CHCHD6: variants seen among roughly 807,000 people sequenced by gnomAD.
CHCHD6 encodes the protein MICOS complex subunit MIC25.
CHCHD6 carries 28 observed loss-of-function variants against 32.3 expected under a neutral mutation model. The observed-to-expected ratio is 0.87, with a 90% CI of 0.64 to 1.19. CHCHD6 has a LOEUF of 1.19. Ranked by LOEUF, CHCHD6 falls within the 50% of genes most tolerant of loss-of-function variation. CHCHD6 has a pLI of 0.00. For missense variants in CHCHD6, 333 were observed against 307.0 expected (o/e 1.08, Z -0.63); for synonymous variants, 122 against 117.5 (o/e 1.04, Z -0.25).
chr3:126,761,911 G>A lies in CHCHD6; in HGVS notation c.411+28689G>A, dbSNP rs180859012. 3.8e-3 allele frequency among the ~76,000 whole-genome samples: 573 copies of A among 152,150 alleles called. 12 individuals carry two copies. Among genetic ancestry groups the A allele is most frequent in the African/African-American group, 0.013 (554 of 41,518 alleles). On this transcript the variant is annotated intron_variant, in intron 4 of 7. Coordinates refer to ENST00000290913, the MANE Select transcript of CHCHD6 (RefSeq NM_032343.3). ...GTGTTTCTAAGAATTAGTCTTTTTC[G>A]TCCAGGTTATCCAATTTGTTGGCAT...
intron 5 of CHCHD6, among the ~76,000 whole-genome samples, chr3:126,890,916 A>G (rs775020978): frequency 2.0e-5 from 3 of 152,142 alleles, no homozygotes; most frequent in Non-Finnish European, 4.4e-5. Context: ...ATGGGAAGGC[A>G]TTGAAGCTAC....
chr3:126,845,778 G>C (rs1941274506), intron 4 of CHCHD6, among the ~76,000 whole-genome samples: 1 of 152,076 alleles, frequency 6.6e-6, no homozygotes, highest in Admixed American at 6.6e-5. Flanking sequence ...TGGATTTCTA[G>C]CATTTCCATT....
At chr3:126,942,675 C>G (rs1294900148) in intron 6 of CHCHD6, among the ~76,000 whole-genome samples, 1 of 152,178 alleles carries the variant, frequency 6.6e-6, no homozygotes, top group East Asian at 1.9e-4. Context: ...TCTGCCCCAG[C>G]CCTGGAGTCA....
chr3:126,886,909 C>T (rs1287376171), intron 5 of CHCHD6, among the ~76,000 whole-genome samples: 1 of 152,184 alleles, frequency 6.6e-6, no homozygotes. Flanking sequence ...GCCCCAGCTT[C>T]CCTTCCACCC....
intron 4 of CHCHD6, among the ~76,000 whole-genome samples, chr3:126,801,779 C>T (rs1022609799): frequency 1.7e-4 from 26 of 152,376 alleles, no homozygotes; most frequent in Non-Finnish European, 3.5e-4. Flanking sequence ...TCCCTGACCC[C>T]TGACCCCCGA....
At chr3:126,817,194 T>A (rs1385080745) in intron 4 of CHCHD6, among the ~76,000 whole-genome samples, 1 of 152,178 alleles carries the variant, frequency 6.6e-6, no homozygotes, top group Non-Finnish European at 1.5e-5. Context: ...CAGGGCCCAT[T>A]ACCTCTGCAG....
chr3:126,886,680 G>A (rs1164608780), intron 5 of CHCHD6, among the ~76,000 whole-genome samples: 2 of 152,186 alleles, frequency 1.3e-5, no homozygotes, highest in Admixed American at 1.3e-4. Context: ...AACCTGAAGG[G>A]CATCAGGATC....
chr3:126,864,872 TCTCCTCCTC>T (rs1388211294), intron 5 of CHCHD6, among the ~76,000 whole-genome samples: 1 of 51,260 alleles, frequency 2.0e-5, no homozygotes, highest in Admixed American at 1.7e-4. Context: ...TCCACCATCA[TCTCCTCCTC>T]CTCCTCCACC....
At chr3:126,896,827 C>T (rs559363573) in intron 5 of CHCHD6, among the ~76,000 whole-genome samples, 4 of 152,260 alleles carry the variant, frequency 2.6e-5, no homozygotes, top group Admixed American at 1.3e-4. Flanking sequence ...CCAGCTGGAG[C>T]GCAGAGGAGA....
intron 2 of CHCHD6, 135 bp from the exon 3 acceptor site, chr3:126,730,426 T>G: frequency 1.4e-6 from 1 of 693,272 alleles, no homozygotes; most frequent in South Asian, 1.9e-5. Context: ...GACGCTCCTT[T>G]GTGGGGACAC....
At chr3:126,911,310 A>C (rs975717133) in intron 5 of CHCHD6, among the ~76,000 whole-genome samples, 1 of 152,186 alleles carries the variant, frequency 6.6e-6, no homozygotes, top group Non-Finnish European at 1.5e-5. Context: ...TAGTCCTTCT[A>C]GAAGCCCTGA....
intron 4 of CHCHD6, chr3:126,767,522 C>A (rs1441547498): frequency 8.1e-6 from 4 of 491,356 alleles, no homozygotes; most frequent in Non-Finnish European, 1.5e-5. Context: ...TCTGTCCAGA[C>A]CATGATTTTC....
intron 4 of CHCHD6, among the ~76,000 whole-genome samples, chr3:126,838,342 G>T (rs770767903): frequency 1.3e-4 from 20 of 152,156 alleles, no homozygotes; most frequent in Middle Eastern, 3.2e-3. Flanking sequence ...GCACAGGTAG[G>T]TGGTTTTGGA....
chr3:126,932,427 C>A (rs1346274860), intron 6 of CHCHD6, among the ~76,000 whole-genome samples: 2 of 152,210 alleles, frequency 1.3e-5, no homozygotes, highest in African/African-American at 2.4e-5. Flanking sequence ...TTAATCACTT[C>A]CCCAGGAAAT....
intron 5 of CHCHD6, among the ~76,000 whole-genome samples, chr3:126,913,382 A>G (rs2078124008): frequency 6.6e-6 from 1 of 151,518 alleles, no homozygotes; most frequent in African/African-American, 2.4e-5. Flanking sequence ...GGCACCCGCC[A>G]CCACACCCAG....
chr3:126,934,536 CTTTTTTTTTTTT>C (rs386397861), intron 6 of CHCHD6, among the ~76,000 whole-genome samples: 880 of 58,278 alleles, frequency 0.015, 22 homozygotes, highest in Middle Eastern at 0.039. Context: ...CCCCTCTCTG[CTTTTTTTTTTTT>C]TTTTTTTTTT....
At chr3:126,838,739 C>T (rs1275497217) in intron 4 of CHCHD6, among the ~76,000 whole-genome samples, 1 of 152,204 alleles carries the variant, frequency 6.6e-6, no homozygotes, top group Non-Finnish European at 1.5e-5. Flanking sequence ...TATGAGGAAA[C>T]TGAGGCACAG....
chr3:126,819,576 C>T (rs1478938044), intron 4 of CHCHD6, among the ~76,000 whole-genome samples: 1 of 152,200 alleles, frequency 6.6e-6, no homozygotes, highest in Non-Finnish European at 1.5e-5. Flanking sequence ...GGTATGGAAG[C>T]CAGCTGGCCA....
intron 3 of CHCHD6, among the ~76,000 whole-genome samples, chr3:126,732,205 A>G (rs1215242752): frequency 2.0e-5 from 3 of 152,166 alleles, no homozygotes; most frequent in Admixed American, 2.0e-4. Flanking sequence ...GAAAATATAC[A>G]AAGTGAAAAA....
Sources: gnomAD v4.1 joint callset for allele counts (sites outside exome capture counted in the v4.1 genomes callset) on GRCh38, gnomAD v4.1.1 for gene constraint, MANE v1.5 for transcripts, NCBI Gene and HGNC (gene_info 2026-07-23, HGNC 2026-07-21) for gene names.